Variants in ZNF536 observed in about 807,000 individuals in gnomAD.
The protein encoded by ZNF536 is zinc finger protein 536.
Under a neutral mutation model 84.5 loss-of-function variants are expected in ZNF536, and 13 were observed. The ratio of observed to expected loss-of-function variants is 0.15; its 90% CI spans 0.10 to 0.24. The LOEUF (loss-of-function observed/expected upper bound fraction) is 0.24. ZNF536 is among the 10% of genes least tolerant of loss of function. The pLI is 1.00. For synonymous variants in ZNF536, 811 were observed against 742.5 expected, an observed-to-expected ratio of 1.09 and a Z score of -1.50; for missense variants, 1,536 against 1,747.5, an observed-to-expected ratio of 0.88 and a Z score of 2.16.
At chr19:30,453,177 C>T (rs1181283816) in intron 2 of ZNF536, among the ~76,000 whole-genome samples, 1 of 152,158 alleles carries the variant, frequency 6.6e-6, no homozygotes, top group Non-Finnish European at 1.5e-5. Context: ...TGTGTCCCCC[C>T]CACCCCCAAA....
intron 2 of ZNF536, among the ~76,000 whole-genome samples, chr19:30,516,026 CAAAAAAA>C (rs553504551): frequency 2.6e-5 from 2 of 75,634 alleles, no homozygotes; most frequent in Non-Finnish European, 5.4e-5. Flanking sequence ...GACTCCATCT[CAAAAAAA>C]AAAAAAAAAG....
intron 1 of ZNF536, among the ~76,000 whole-genome samples, chr19:30,614,051 C>T (rs984795966): frequency 1.2e-4 from 18 of 152,080 alleles, no homozygotes; most frequent in African/African-American, 3.1e-4. Context: ...TTAGTAGAGA[C>T]GGGGTTTTGC....
At chr19:30,632,647 CAACA>C (rs1323936138) in intron 1 of ZNF536, among the ~76,000 whole-genome samples, 88 of 72,860 alleles carry the variant, frequency 1.2e-3, no homozygotes, top group African/African-American at 3.7e-3. Context: ...ACCAATCAAC[CAACA>C]AACCAACCAA....
downstream of ZNF536, among the ~76,000 whole-genome samples, chr19:30,559,727 G>C: frequency 6.6e-6 from 1 of 152,158 alleles, no homozygotes; most frequent in African/African-American, 2.4e-5. Flanking sequence ...GGCTGCTGAA[G>C]GGAACGGATC....
intron 2 of ZNF536, among the ~76,000 whole-genome samples, chr19:30,298,976 T>C (rs2046093927): frequency 6.6e-6 from 1 of 151,270 alleles, no homozygotes; most frequent in African/African-American, 2.4e-5. Context: ...TAATCTGCAT[T>C]TTAGGCCTGG....
chr19:30,678,923 G>A (rs1438950363), intron 1 of ZNF536, among the ~76,000 whole-genome samples: 1 of 152,098 alleles, frequency 6.6e-6, no homozygotes, highest in Non-Finnish European at 1.5e-5. Flanking sequence ...GTGACAGAGT[G>A]AGACTCCATC....
chr19:30,608,694 C>T (rs1049639389), intron 1 of ZNF536, among the ~76,000 whole-genome samples: 9 of 152,134 alleles, frequency 5.9e-5, no homozygotes, highest in South Asian at 2.1e-4. Context: ...TCTAGAGTCT[C>T]GATCACATAG....
chr19:30,393,645 C>T (rs747149872), intron 1 of ZNF536, among the ~76,000 whole-genome samples: 2 of 152,088 alleles, frequency 1.3e-5, no homozygotes, highest in Non-Finnish European at 2.9e-5. Context: ...CAGGGAAGAG[C>T]GTTCCAGGCA....
upstream of ZNF536, chr19:30,372,376 G>C (rs573263171): frequency 5.9e-5 from 9 of 152,244 alleles, no homozygotes; most frequent in Non-Finnish European, 1.2e-4. Context: ...GCCGGGACAC[G>C]GCCCTGGGAT....
chr19:30,619,313 C>A (rs1186500940), intron 1 of ZNF536, among the ~76,000 whole-genome samples: 3 of 152,046 alleles, frequency 2.0e-5, no homozygotes, highest in Non-Finnish European at 4.4e-5. Context: ...TTTTTTCTTG[C>A]CTCTTTTGTG....
chr19:30,245,894 G>A (rs1026113218), intron 1 of ZNF536, among the ~76,000 whole-genome samples: 13 of 152,220 alleles, frequency 8.5e-5, no homozygotes, highest in Admixed American at 2.0e-4. Context: ...ACATCAGTAC[G>A]TTGGGCACGG....
intron 1 of ZNF536, among the ~76,000 whole-genome samples, chr19:30,434,789 G>A (rs1364748513): frequency 1.3e-5 from 2 of 151,972 alleles, no homozygotes; most frequent in Non-Finnish European, 1.5e-5. Flanking sequence ...TGGTGATGAC[G>A]ACGATGATGA....
chr19:30,405,533 T>A (rs1404726456), intron 1 of ZNF536, among the ~76,000 whole-genome samples: 1 of 152,134 alleles, frequency 6.6e-6, no homozygotes, highest in Non-Finnish European at 1.5e-5. Flanking sequence ...ATGGGTCTGA[T>A]GAGCCATCAG....
chr19:30,695,635 T>C (rs1026633485), intron 1 of ZNF536, among the ~76,000 whole-genome samples: 8 of 151,332 alleles, frequency 5.3e-5, no homozygotes, highest in Admixed American at 5.3e-4. Context: ...GTTAAGGAGG[T>C]GAGATACTGC....
At chr19:30,333,785 G>A (rs1362418776) in intron 2 of ZNF536, among the ~76,000 whole-genome samples, 2 of 152,060 alleles carry the variant, frequency 1.3e-5, no homozygotes, top group African/African-American at 4.8e-5. Context: ...CAAATTAGTG[G>A]GCTGTGCCTG....
chr19:30,700,475 A>C (rs1267639588), intron 1 of ZNF536, among the ~76,000 whole-genome samples: 1 of 151,490 alleles, frequency 6.6e-6, no homozygotes, highest in Admixed American at 6.6e-5. Context: ...GCAATCTCCA[A>C]CTCTTGGGCT....
At chr19:30,516,026 C>CAAAAAAAAAA (rs553504551) in intron 2 of ZNF536, among the ~76,000 whole-genome samples, 4 of 75,612 alleles carry the variant, frequency 5.3e-5, no homozygotes, top group Admixed American at 3.1e-4. Flanking sequence ...GACTCCATCT[C>CAAAAAAAAAA]AAAAAAAAAA....
chr19:30,239,183 C>T lies in ZNF536; in HGVS notation c.-190+10510C>T, dbSNP rs558999253. ...TGAAGAAGCAAGCCTCCATCTTCCC[C>T]GGGGAAATTTGAAACCAAGATGGGG... On this transcript the variant is annotated intron_variant, in intron 1 of 5. Coordinates refer to the ZNF536 transcript ENST00000585628. Among the ~76,000 whole-genome samples the T allele has an allele frequency of 8.5e-5, 13 of 152,180 alleles. No individual in the cohort carries two copies. In the East Asian group the frequency reaches 1.3e-3, roughly 16 times the overall value.
intron 1 of ZNF536, among the ~76,000 whole-genome samples, chr19:30,619,935 G>A (rs573774977): frequency 6.6e-6 from 1 of 151,926 alleles, no homozygotes; most frequent in African/African-American, 2.4e-5. Context: ...CTGTTTATTG[G>A]GCTATTCTGC....
Sources: allele counts gnomAD v4.1 joint callset (sites outside exome capture counted in the v4.1 genomes callset), GRCh38; gene constraint gnomAD v4.1.1; transcripts MANE v1.5; gene names NCBI Gene and HGNC (gene_info 2026-07-23, HGNC 2026-07-21).